Variants in FAM171A1 observed in about 807,000 individuals in gnomAD.
The protein encoded by FAM171A1 is family with sequence similarity 171 member A1, also known as protein FAM171A1.
In FAM171A1, 23 loss-of-function variants were observed where a neutral mutation model predicts 74.9. The ratio of observed to expected loss-of-function variants is 0.31; its 90% CI spans 0.22 to 0.44. FAM171A1 has a LOEUF of 0.44. FAM171A1 is among the 20% of genes least tolerant of loss of function. The probability of loss-of-function intolerance (pLI) is 1.00; values close to 1 mark genes in which losing one functional copy is unlikely to be tolerated. For missense variants in FAM171A1, 1,162 were observed against 1,159.2 expected, an observed-to-expected ratio of 1.00 and a Z score of -0.03; for synonymous variants, 527 against 505.7, an observed-to-expected ratio of 1.04 and a Z score of -0.57.
intron 1 of FAM171A1, among the ~76,000 whole-genome samples, chr10:15,314,410 T>G (rs1389157146): frequency 6.6e-6 from 1 of 152,186 alleles, no homozygotes; most frequent in Non-Finnish European, 1.5e-5. Flanking sequence ...TTCTATGTCT[T>G]TTTGAGGCTG....
At chr10:15,250,233 C>G (rs1273085931) in intron 4 of FAM171A1, among the ~76,000 whole-genome samples, 1 of 152,108 alleles carries the variant, frequency 6.6e-6, no homozygotes, top group Non-Finnish European at 1.5e-5. Context: ...GTGGAAAGAT[C>G]GAAGTTGGAA....
Position 15,254,372 on chromosome 10 carries a change from G to T in FAM171A1, c.577+349C>A, listed in dbSNP as rs140297519. ...CGTGGGACGAGGCAGAGGGCAGCTG[G>T]GCCAAAAACCCTAAGTCTAATCTTA... On this transcript the variant is annotated intron_variant, in intron 4 of 7. Coordinates refer to ENST00000378116, the MANE Select transcript of FAM171A1 (RefSeq NM_001010924.2). Among the ~76,000 whole-genome samples the T allele has an allele frequency of 3.9e-3, 591 of 152,122 alleles. 5 individuals are homozygous for T. The highest frequency in any genetic ancestry group is 0.014 in the African/African-American group (570 of 41,480).
chr10:15,287,738 T>C (rs1434625991), intron 1 of FAM171A1, among the ~76,000 whole-genome samples: 1 of 152,216 alleles, frequency 6.6e-6, no homozygotes, highest in Non-Finnish European at 1.5e-5. Flanking sequence ...CCAAGTAGTA[T>C]ACTATTCCTC....
At chr10:15,216,144 A>T in intron 6 of FAM171A1, 34 bp from the exon 7 acceptor site, 4 of 1,313,294 alleles carry the variant, frequency 3.0e-6, no homozygotes, top group Non-Finnish European at 4.3e-6. Context: ...TAGAGTTTTG[A>T]ACACCTTTAA....
At chr10:15,277,559 G>C (rs923520100) in intron 2 of FAM171A1, among the ~76,000 whole-genome samples, 1 of 152,130 alleles carries the variant, frequency 6.6e-6, no homozygotes, top group Non-Finnish European at 1.5e-5. Context: ...CCATTTCACA[G>C]GTAAGGAAAC....
At position 15,348,443 on chromosome 10, in the gene FAM171A1, G is replaced by A. The variant is rs74344070; in HGVS notation, c.97+22513C>T. Among the ~76,000 whole-genome samples the A allele has an allele frequency of 7.9e-3, 1,203 of 152,292 alleles. 30 individuals carry two copies. The East Asian group carries it at 0.083, about 11-fold the overall frequency. ...GTGAGCCCCCATGCCCGGCCTCTAGGTAGCTTTCTTAAATTGAGATGTTAA... is the reference window on the plus strand; with the variant it reads ...GTGAGCCCCCATGCCCGGCCTCTAGATAGCTTTCTTAAATTGAGATGTTAA... On this transcript the variant is annotated intron_variant, in intron 1 of 7. Coordinates refer to ENST00000378116, the MANE Select transcript of FAM171A1 (RefSeq NM_001010924.2).
At chr10:15,251,787 A>C (rs1236937174) in intron 4 of FAM171A1, among the ~76,000 whole-genome samples, 3 of 152,112 alleles carry the variant, frequency 2.0e-5, no homozygotes, top group South Asian at 2.1e-4. Context: ...ATTTTACACA[A>C]AATACTGAGT....
chr10:15,214,513 T>C lies in FAM171A1; in HGVS notation c.1075A>G (p.Met359Val). The C allele has an allele frequency of 5.0e-6, 8 of 1,614,202 alleles. No individual in the cohort carries two copies. Among genetic ancestry groups the C allele is most frequent in the East Asian group, 2.2e-5 (1 of 44,876 alleles). The change falls in exon 8 of 8, where the codon ATG becomes GTG. Residue 359 changes from methionine to valine, a missense_variant. By Grantham distance (21) the Met-to-Val change is conservative (BLOSUM62 1). Coordinates refer to ENST00000378116, the MANE Select transcript of FAM171A1 (RefSeq NM_001010924.2). ...ESSKRDQSTSMSHINLLFSRR... is the reference protein window; with the variant it reads ...ESSKRDQSTSVSHINLLFSRR... ...GAAAACAGCAAGTTAATGTGTGACA[T>C]GGACGTGGACTGGTCTCTTTTGGAA...
chr10:15,262,870 T>C (rs1039161630), intron 3 of FAM171A1, among the ~76,000 whole-genome samples: 2 of 152,164 alleles, frequency 1.3e-5, no homozygotes, highest in Non-Finnish European at 2.9e-5. Flanking sequence ...AGGAGGACAC[T>C]GCCATGTCCT....
chr10:15,313,982 C>A (rs895597970), intron 1 of FAM171A1, among the ~76,000 whole-genome samples: 1 of 152,212 alleles, frequency 6.6e-6, no homozygotes, highest in East Asian at 1.9e-4. Context: ...AAGGCAACGA[C>A]GGGATCTGGC....
chr10:15,371,044 C>A lies in FAM171A1; in HGVS notation c.9G>T (p.Arg3Ser). Residue 3 changes from arginine (R) to serine (S), a missense_variant, in exon 1 of 8, where the codon AGG becomes AGT. By Grantham distance (110) the Arg-to-Ser change is moderately radical (BLOSUM62 -1). Transcript: ENST00000378116. MSRSATLLLCLLG... is the reference protein window; with the variant it reads MSSSATLLLCLLG... ...GCAGGCACAGCAGCAGCGTCGCGGACCTGCTCATCTCCGCCGCGGGGCCGG... is the reference window on the plus strand; with the variant it reads ...GCAGGCACAGCAGCAGCGTCGCGGAACTGCTCATCTCCGCCGCGGGGCCGG... The A allele has an allele frequency of 1.8e-6, 2 of 1,135,766 alleles. No individual in the cohort carries two copies. Among genetic ancestry groups the A allele is most frequent in the East Asian group, 9.5e-5 (1 of 10,534 alleles). 70.4% of individuals were successfully genotyped at this position (1,135,766 alleles called of 1,614,324 possible).
At chr10:15,251,919 C>T (rs775001895) in intron 4 of FAM171A1, among the ~76,000 whole-genome samples, 117 of 152,264 alleles carry the variant, frequency 7.7e-4, no homozygotes, top group Non-Finnish European at 1.3e-3. Flanking sequence ...GGGCAGAACA[C>T]CACTGGCCCA....
At chr10:15,280,801 T>G (rs186303902) in intron 2 of FAM171A1, among the ~76,000 whole-genome samples, 2 of 152,222 alleles carry the variant, frequency 1.3e-5, no homozygotes, top group African/African-American at 4.8e-5. Context: ...ATACCAGAAG[T>G]GTTAGTGTTC....
At position 15,283,937 on chromosome 10, in the gene FAM171A1, G is replaced by C; in HGVS notation, c.266C>G (p.Thr89Ser). Residue 89 changes from threonine (T) to serine (S), a missense_variant, in exon 2 of 8, where the codon ACC becomes AGC. Coordinates refer to ENST00000378116, the MANE Select transcript of FAM171A1 (RefSeq NM_001010924.2). ...QYKLGSQLIV[T>S]ASKHAYVPNS... ...TGGCACGTAGGCATGCTTCGAGGCGGTGACAATCAACTGACTGCCCAGCTT... is the reference window on the plus strand; with the variant it reads ...TGGCACGTAGGCATGCTTCGAGGCGCTGACAATCAACTGACTGCCCAGCTT... 1.2e-6 allele frequency: 2 copies of C among 1,614,204 alleles called. No homozygotes were observed. The highest frequency in any genetic ancestry group is 1.7e-6 in the Non-Finnish European group (2 of 1,180,040).
chr10:15,314,144 A>T (rs991941306), intron 1 of FAM171A1, among the ~76,000 whole-genome samples: 1 of 152,218 alleles, frequency 6.6e-6, no homozygotes, highest in African/African-American at 2.4e-5. Flanking sequence ...ATCTGGTAGG[A>T]TAAACCGTCA....
At chr10:15,299,264 T>G (rs1835199181) in intron 1 of FAM171A1, among the ~76,000 whole-genome samples, 1 of 152,144 alleles carries the variant, frequency 6.6e-6, no homozygotes, top group African/African-American at 2.4e-5. Context: ...CAAAGTCCCC[T>G]TATGAGAATC....
At chr10:15,365,411 G>A (rs899876459) in intron 1 of FAM171A1, among the ~76,000 whole-genome samples, 1 of 152,160 alleles carries the variant, frequency 6.6e-6, no homozygotes, top group South Asian at 2.1e-4. Flanking sequence ...AGCCTGAGTC[G>A]TCCATCCAGA....
intron 1 of FAM171A1, among the ~76,000 whole-genome samples, chr10:15,334,996 C>T (rs1046422916): frequency 6.6e-6 from 1 of 152,218 alleles, no homozygotes; most frequent in African/African-American, 2.4e-5. Context: ...AATCCTAGCA[C>T]TTTGGGAGGC....
At chr10:15,323,137 CAA>C (rs71287331) in intron 1 of FAM171A1, among the ~76,000 whole-genome samples, 47 of 109,256 alleles carry the variant, frequency 4.3e-4, no homozygotes, top group African/African-American at 1.1e-3. Context: ...AAGACTGTCT[CAA>C]AAAAAAAAAA....
Sources: gnomAD v4.1 joint callset for allele counts (sites outside exome capture counted in the v4.1 genomes callset) on GRCh38, gnomAD v4.1.1 for gene constraint, MANE v1.5 for transcripts, NCBI Gene and HGNC (gene_info 2026-07-23, HGNC 2026-07-21) for gene names.